Variants in TUSC3 observed in about 807,000 individuals in gnomAD.
TUSC3 encodes dolichyl-diphosphooligosaccharide--protein glycosyltransferase subunit TUSC3.
In TUSC3, 45 loss-of-function variants were observed where a neutral mutation model predicts 44.8. The observed-to-expected ratio is 1.00, with a 90% confidence interval of 0.79 to 1.29. The LOEUF (loss-of-function observed/expected upper bound fraction) is 1.29. TUSC3 is among the 50% of genes most tolerant of loss of function. The pLI is 0.00. For synonymous variants in TUSC3, 212 were observed against 152.9 expected (o/e 1.39, Z -2.85); for missense variants, 519 against 437.9 (o/e 1.19, Z -1.65).
chr8:15,782,045 T>G, the TUSC3 span, among the ~76,000 whole-genome samples: 1 of 152,006 alleles, frequency 6.6e-6, no homozygotes, highest in Admixed American at 6.6e-5. Flanking sequence ...TGAGGCAGGA[T>G]AATCGCTTGA....
chr8:15,471,929 T>C (rs1800499438), intron 1 of TUSC3, among the ~76,000 whole-genome samples: 1 of 152,162 alleles, frequency 6.6e-6, no homozygotes, highest in Non-Finnish European at 1.5e-5. Flanking sequence ...CCAGTTCTAA[T>C]GATTTAACAT....
At chr8:15,675,305 T>C (rs1210742761) in intron 6 of TUSC3, among the ~76,000 whole-genome samples, 2 of 150,782 alleles carry the variant, frequency 1.3e-5, no homozygotes, top group African/African-American at 2.5e-5. Context: ...GAGTATTCTT[T>C]AGGTATAAAA....
chr8:15,554,167 C>T (rs1307582385), intron 1 of TUSC3, among the ~76,000 whole-genome samples: 2 of 151,712 alleles, frequency 1.3e-5, no homozygotes, highest in Non-Finnish European at 1.5e-5. Context: ...CTTCAAACCC[C>T]ACCTTCCTTG....
chr8:15,744,794 C>T (rs1036112085), intron 8 of TUSC3, among the ~76,000 whole-genome samples: 3 of 152,024 alleles, frequency 2.0e-5, no homozygotes, highest in African/African-American at 7.2e-5. Context: ...CCTATGAGGA[C>T]ATACTATTTT....
intron 6 of TUSC3, among the ~76,000 whole-genome samples, chr8:15,726,413 G>C (rs796410040): frequency 1.5e-4 from 23 of 152,244 alleles, no homozygotes; most frequent in African/African-American, 5.3e-4. Context: ...CTTTAAGTAA[G>C]TCATGAGTCA....
the TUSC3 span, among the ~76,000 whole-genome samples, chr8:15,794,310 T>C: frequency 6.6e-6 from 1 of 152,114 alleles, no homozygotes; most frequent in African/African-American, 2.4e-5. Context: ...TCTTATTTTC[T>C]CTAGTAAACT....
At chr8:15,828,191 C>T in the TUSC3 span, among the ~76,000 whole-genome samples, 3 of 152,096 alleles carry the variant, frequency 2.0e-5, no homozygotes, top group African/African-American at 7.2e-5. Context: ...TACTGGATTT[C>T]TCCATGTTGG....
chr8:15,618,698 A>C (rs746501180), intron 1 of TUSC3, among the ~76,000 whole-genome samples: 5 of 152,238 alleles, frequency 3.3e-5, no homozygotes, highest in African/African-American at 1.2e-4. Context: ...TAGTAAATAC[A>C]TAAAACCAGT....
Position 15,758,040 on chromosome 8 carries a change from T to C in TUSC3, c.*46+185T>C, listed in dbSNP as rs766689709. On this transcript the variant is annotated intron_variant, in intron 10 of 10. Coordinates refer to ENST00000503731, the MANE Select transcript of TUSC3 (RefSeq NM_006765.4). ...GTTTATCTGCCACAGGGAGAAGTCC[T>C]CAGATAAAAATGTCTACCAAAAGAC... 505 of 1,395,924 alleles carry C rather than the reference T, an allele frequency of 3.6e-4. 1 individual carries two copies. Among genetic ancestry groups the C allele is most frequent in the Non-Finnish European group, 4.3e-4 (463 of 1,078,012 alleles). 86.5% of individuals were successfully genotyped at this position (1,395,924 alleles called of 1,614,324 possible). A position where few individuals can be genotyped will look rare whatever the true frequency, so the allele number is the denominator to read the frequency against.
Position 15,668,067 on chromosome 8 carries a change from A to G in TUSC3, c.709-5680A>G, listed in dbSNP as rs185543598. 1.9e-4 allele frequency among the ~76,000 whole-genome samples: 29 copies of G among 151,882 alleles called. 1 individual carries two copies. Among genetic ancestry groups the G allele is most frequent in the Non-Finnish European group, 2.9e-5 (2 of 67,806 alleles). On this transcript the variant is annotated intron_variant, in intron 5 of 10. Transcript: ENST00000503731. ...TGTTTATTGAATGCTTGCCTGCTAT[A>G]TAAATGCTGAAAGTAAGTGTTCTCC...
chr8:15,615,666 A>T (rs576485845), intron 1 of TUSC3, among the ~76,000 whole-genome samples: 1 of 152,318 alleles, frequency 6.6e-6, no homozygotes, highest in South Asian at 2.1e-4. Flanking sequence ...GGTGATACAT[A>T]TTCTAATTAC....
At chr8:15,431,385 C>G (rs1355017086) in intron 1 of TUSC3, among the ~76,000 whole-genome samples, 1 of 151,612 alleles carries the variant, frequency 6.6e-6, no homozygotes, top group Non-Finnish European at 1.5e-5. Flanking sequence ...TTTCATTGTA[C>G]AAGTCTCACT....
At chr8:15,824,751 T>C in the TUSC3 span, among the ~76,000 whole-genome samples, 1 of 152,070 alleles carries the variant, frequency 6.6e-6, no homozygotes, top group Non-Finnish European at 1.5e-5. Context: ...TAAAGTGTAA[T>C]AAAAAAAACC....
chr8:15,718,639 A>G lies in TUSC3; in HGVS notation c.799-12027A>G, dbSNP rs1041173012. ...TAGAACTTCATGGACAAATAATGTC[A>G]TGTATTTTTCTTATAATTAACATAC... On this transcript the variant is annotated intron_variant, in intron 6 of 10. Coordinates refer to ENST00000503731, the MANE Select transcript of TUSC3 (RefSeq NM_006765.4). 8.5e-5 allele frequency among the ~76,000 whole-genome samples: 13 copies of G among 152,240 alleles called. No individual in the cohort carries two copies. In the South Asian group the frequency reaches 1.7e-3, roughly 19 times the overall value.
chr8:15,457,700 T>C (rs1800275571), intron 1 of TUSC3, among the ~76,000 whole-genome samples: 1 of 148,990 alleles, frequency 6.7e-6, no homozygotes, highest in Non-Finnish European at 1.5e-5. Flanking sequence ...AATAAAATAA[T>C]TTATTAGATA....
chr8:15,650,652 C>T, intron 2 of TUSC3, 45 bp from the exon 3 acceptor site: 1 of 1,540,994 alleles, frequency 6.5e-7, no homozygotes, highest in East Asian at 2.3e-5. Flanking sequence ...TTTGTAGATG[C>T]TTCAGTACTG....
At position 15,741,704 on chromosome 8, in the gene TUSC3, A is replaced by C. The variant is rs189801402; in HGVS notation, c.863-1834A>C. 1.1e-4 allele frequency among the ~76,000 whole-genome samples: 16 copies of C among 152,308 alleles called. No homozygotes were observed. The East Asian group carries it at 2.7e-3, about 26-fold the overall frequency. On this transcript the variant is annotated intron_variant, in intron 7 of 10. Coordinates refer to ENST00000503731, the MANE Select transcript of TUSC3 (RefSeq NM_006765.4). ...TGTGTCTCTAAAAATTAAAAAAAAA[A>C]AATTAAAAAGTCATAGTAAAATAAT... is the stretch of plus-strand genomic sequence containing the variant.
At chr8:15,538,698 T>G (rs1801571603), upstream of TUSC3, among the ~76,000 whole-genome samples, 1 of 152,176 alleles carries the variant, frequency 6.6e-6, no homozygotes, top group Non-Finnish European at 1.5e-5. Flanking sequence ...TTTCTTTGAA[T>G]TATAAAGGCA....
At chr8:15,541,886 T>G (rs1329896973) in intron 1 of TUSC3, among the ~76,000 whole-genome samples, 1 of 136,584 alleles carries the variant, frequency 7.3e-6, no homozygotes, top group Non-Finnish European at 1.7e-5. Flanking sequence ...TAAAAGATGA[T>G]GAAGAACTCC....
Sources: gnomAD v4.1 joint callset for allele counts (sites outside exome capture counted in the v4.1 genomes callset) on GRCh38, gnomAD v4.1.1 for gene constraint, MANE v1.5 for transcripts, NCBI Gene and HGNC (gene_info 2026-07-23, HGNC 2026-07-21) for gene names.